SMARCA2: variants seen among roughly 807,000 people sequenced by gnomAD.
SMARCA2 encodes the protein SWI/SNF-related matrix-associated actin-dependent regulator of chromatin subfamily A member 2.
A neutral mutation model predicts 199.8 loss-of-function variants in SMARCA2; 61 were observed. That is an observed-to-expected ratio of 0.31 (90% CI 0.25 to 0.38). The LOEUF (loss-of-function observed/expected upper bound fraction) is 0.38, where lower values mean the gene tolerates loss of function less well. Among genes scored for constraint, SMARCA2 ranks in the 10% least tolerant of loss-of-function variants. The pLI is 1.00. For missense variants in SMARCA2, 1,344 were observed against 2,012.2 expected, an observed-to-expected ratio of 0.67 and a Z score of 6.35; for synonymous variants, 935 against 732.0, an observed-to-expected ratio of 1.28 and a Z score of -4.48.
intron 28 of SMARCA2, among the ~76,000 whole-genome samples, chr9:2,168,250 A>G (rs1826040229): frequency 1.3e-5 from 2 of 152,192 alleles, no homozygotes; most frequent in East Asian, 3.9e-4. Context: ...ACCTCAGGTG[A>G]TCTGCCTTTC....
At chr9:2,191,496 C>T (rs987543487) in intron 33 of SMARCA2, 88 bp downstream of exon 33, 113 of 1,395,470 alleles carry the variant, frequency 8.1e-5, no homozygotes, top group South Asian at 2.6e-4. Context: ...TCAGCCTTTT[C>T]GCTTTATTAC....
intron 29 of SMARCA2, 155 bp from the exon 30 acceptor site, chr9:2,181,416 C>A (rs1322948838): frequency 1.7e-6 from 1 of 588,162 alleles, no homozygotes; most frequent in Non-Finnish European, 3.1e-6. Context: ...CATCAATCTC[C>A]AATAGAGTTG....
chr9:2,098,828 T>C (rs1822382185), intron 21 of SMARCA2, among the ~76,000 whole-genome samples: 1 of 151,930 alleles, frequency 6.6e-6, no homozygotes, highest in African/African-American at 2.4e-5. Context: ...GCACCTGTAA[T>C]CCTAGCTATT....
chr9:2,175,743 A>G (rs1450669752), intron 29 of SMARCA2, among the ~76,000 whole-genome samples: 1 of 152,206 alleles, frequency 6.6e-6, no homozygotes, highest in African/African-American at 2.4e-5. Context: ...GGTGAATAAG[A>G]GTAAATTATT....
intron 31 of SMARCA2, among the ~76,000 whole-genome samples, chr9:2,185,686 A>C (rs1458538611): frequency 6.6e-6 from 1 of 152,346 alleles, no homozygotes; most frequent in Non-Finnish European, 1.5e-5. Flanking sequence ...GCTGCTACTG[A>C]TAAACTCAGT....
At chr9:2,018,355 T>C (rs1417735847) in intron 1 of SMARCA2, among the ~76,000 whole-genome samples, 2 of 144,746 alleles carry the variant, frequency 1.4e-5, no homozygotes, top group African/African-American at 5.8e-5. Context: ...CAAGGTTGTC[T>C]CTTTTTTTTC....
intron 9 of SMARCA2, 92 bp downstream of exon 9, chr9:2,061,078 C>A: frequency 8.3e-7 from 1 of 1,207,986 alleles, no homozygotes; most frequent in Non-Finnish European, 1.1e-6. Context: ...CTACTTCTTA[C>A]ACTGGTGGAA....
intron 27 of SMARCA2, among the ~76,000 whole-genome samples, chr9:2,156,266 C>T (rs778726073): frequency 3.3e-5 from 5 of 151,990 alleles, no homozygotes; most frequent in Non-Finnish European, 7.4e-5. Context: ...CTAATATGTG[C>T]TGTGTGTCGA....
In SMARCA2 at chr9:2,016,578, C is replaced by A. The variant is rs553228773; in HGVS notation, c.-37+1174C>A. ...CCCGGGAGGCCATGATCCGGATAAT[C>A]CTGTCTGCCTGACTGTCACAAACAG... On this transcript the variant is annotated intron_variant, in intron 1 of 33. Coordinates refer to ENST00000349721, the MANE Select transcript of SMARCA2 (RefSeq NM_003070.5). This position sits in a 1 kb window ranked among gnomAD's most constrained non-coding sequence, Gnocchi z 5.6. 6.6e-6 allele frequency among the ~76,000 whole-genome samples: 1 copy of A among 152,086 alleles called. No individual in the cohort carries two copies. The highest frequency in any genetic ancestry group is 2.1e-4 in the South Asian group (1 of 4,830).
intron 9 of SMARCA2, among the ~76,000 whole-genome samples, chr9:2,064,710 T>G (rs557065431): frequency 2.0e-5 from 3 of 152,292 alleles, no homozygotes; most frequent in Middle Eastern, 3.4e-3. Context: ...TCACAGGTGA[T>G]AAACTCTGCC....
chr9:2,077,612 A>C lies in SMARCA2; in HGVS notation c.2037-17A>C. The C allele has an allele frequency of 6.2e-7, 1 of 1,611,530 alleles. No individual in the cohort carries two copies. The highest frequency in any genetic ancestry group is 2.2e-5 in the East Asian group (1 of 44,796). The stretch of plus-strand genomic sequence containing the variant: ...CGCACATGTCTGTGTGTGATTCTCC[A>C]CTTTTTCCTTTCCCAGGACAGCTAA... On this transcript the variant is annotated splice_polypyrimidine_tract_variant and intron_variant, in intron 13 of 33. Transcript: ENST00000349721.
intron 27 of SMARCA2, among the ~76,000 whole-genome samples, chr9:2,144,958 A>G (rs958848219): frequency 6.6e-6 from 1 of 152,196 alleles, no homozygotes; most frequent in African/African-American, 2.4e-5. Flanking sequence ...AAGCCAAAAG[A>G]AAAGTTGGGG....
rs1256000317 is a variant in SMARCA2, at chr9:2,193,325, A to G, written c.*586A>G. 2.0e-5 allele frequency: 3 copies of G among 152,632 alleles called. No homozygotes were observed. Among genetic ancestry groups the G allele is most frequent in the African/African-American group, 7.2e-5 (3 of 41,430 alleles). 9.5% of individuals were successfully genotyped at this position (152,632 alleles called of 1,614,324 possible). A position where few individuals can be genotyped will look rare whatever the true frequency, so the allele number is the denominator to read the frequency against. ...ACAAAAGCTTTTTGAATTGTATAAG[A>G]TTTATGTCTACTGTAAACATTGCTT... On this transcript the variant is annotated 3_prime_UTR_variant, in exon 34 of 34. Coordinates refer to ENST00000349721, the MANE Select transcript of SMARCA2 (RefSeq NM_003070.5).
chr9:2,048,683 A>G (rs1819988465), intron 5 of SMARCA2, among the ~76,000 whole-genome samples: 1 of 152,210 alleles, frequency 6.6e-6, no homozygotes, highest in African/African-American at 2.4e-5. Context: ...TTGGATGAAG[A>G]ATATAACTTT....
At chr9:2,191,143 C>G in intron 32 of SMARCA2, 123 bp from the exon 33 acceptor site, 1 of 925,526 alleles carries the variant, frequency 1.1e-6, no homozygotes, top group Non-Finnish European at 1.7e-6. Flanking sequence ...AGGCATAAAC[C>G]GGGAATGTTC....
chr9:2,017,886 C>G lies in SMARCA2; in HGVS notation c.-37+2482C>G, dbSNP rs1369846462. On this transcript the variant is annotated intron_variant, in intron 1 of 33. Coordinates refer to ENST00000349721, the MANE Select transcript of SMARCA2 (RefSeq NM_003070.5). This position sits in a 1 kb window ranked among gnomAD's most constrained non-coding sequence, Gnocchi z 8.8. The stretch of plus-strand genomic sequence containing the variant: ...CAGCCCCCTCCGGTCTCCCGGCTCG[C>G]CTTTCCTGCAAAGTCAGGCAGGCGG... 1.3e-5 allele frequency: 2 copies of G among 152,376 alleles called. No homozygotes were observed. Among genetic ancestry groups the G allele is most frequent in the African/African-American group, 4.8e-5 (2 of 41,476 alleles). 9.4% of individuals were successfully genotyped at this position (152,376 alleles called of 1,614,324 possible).
At chr9:2,155,720 CTTTTTTTTTTT>C (rs59156319) in intron 27 of SMARCA2, among the ~76,000 whole-genome samples, 623 of 53,058 alleles carry the variant, frequency 0.012, 10 homozygotes, top group Middle Eastern at 0.021. Context: ...AAGAGAAAAC[CTTTTTTTTTTT>C]TTTTTTTTTT....
chr9:2,043,130 T>G (rs1396967590), intron 4 of SMARCA2: 2 of 152,234 alleles, frequency 1.3e-5, no homozygotes, highest in Non-Finnish European at 2.9e-5. Flanking sequence ...TTTCAGGATA[T>G]TATTCACTTA....
chr9:2,112,244 G>C (rs767870804), intron 24 of SMARCA2, among the ~76,000 whole-genome samples: 2 of 152,176 alleles, frequency 1.3e-5, no homozygotes, highest in Non-Finnish European at 2.9e-5. Context: ...AATGTGATTG[G>C]ATGTTTAGAT....
Sources: gnomAD v4.1 joint callset for allele counts (sites outside exome capture counted in the v4.1 genomes callset) on GRCh38, gnomAD v4.1.1 for gene constraint, Gnocchi (gnomAD v3.1) non-coding constraint, MANE v1.5 for transcripts, NCBI Gene and HGNC (gene_info 2026-07-23, HGNC 2026-07-21) for gene names.